The following ACKR2 variants were observed in gnomAD, a reference collection of about 807,000 sequenced individuals.
ACKR2 encodes atypical chemokine receptor 2, also known as C-C chemokine receptor D6.
For missense variants in ACKR2, 457 were observed against 477.3 expected, an observed-to-expected ratio of 0.96 and a Z score of 0.40; for synonymous variants, 207 against 192.2, an observed-to-expected ratio of 1.08 and a Z score of -0.64.
At chr3:42,834,505 T>C (rs913797708) in intron 2 of ACKR2, 9 of 152,018 alleles carry the variant, frequency 5.9e-5, no homozygotes, top group African/African-American at 2.2e-4. Context: ...CCCACAAATA[T>C]GTAGGACTAT....
intron 2 of ACKR2, chr3:42,835,215 G>A (rs1183086384): frequency 1.3e-5 from 2 of 151,608 alleles, no homozygotes; most frequent in African/African-American, 4.8e-5. Context: ...GGGCATTTAG[G>A]ACCTTGTTAA....
At chr3:42,831,068 A>G (rs1700927456) in intron 2 of ACKR2, among the ~76,000 whole-genome samples, 1 of 152,202 alleles carries the variant, frequency 6.6e-6, no homozygotes, top group Non-Finnish European at 1.5e-5. Context: ...AGAAAAAGAA[A>G]AACAGAAACT....
At position 42,860,164 on chromosome 3, in the gene ACKR2, CAAAAAAAAAA is replaced by C. The variant is rs565028940; in HGVS notation, c.-37-4286_-37-4277del. The stretch of plus-strand genomic sequence containing the variant: ...GAATATTTATCAAGCAAATGGAAAG[CAAAAAAAAAA>C]AAAAAAAAAAAAAAAGCAGGGGATG... On this transcript the variant is annotated intron_variant, in intron 2 of 2. Coordinates refer to ENST00000422265, the MANE Select transcript of ACKR2 (RefSeq NM_001296.5). Among the ~76,000 whole-genome samples, 6 of 8,056 alleles carry C rather than the reference CAAAAAAAAAA, an allele frequency of 7.4e-4. No homozygotes were observed. In the East Asian group the frequency reaches 8.4e-3, roughly 11 times the overall value. 5.3% of individuals were successfully genotyped at this position (8,056 alleles called of 152,430 possible). A position where few individuals can be genotyped will look rare whatever the true frequency, so the allele number is the denominator to read the frequency against.
intron 1 of ACKR2, among the ~76,000 whole-genome samples, chr3:42,811,734 A>G (rs780973186): frequency 9.9e-5 from 15 of 152,278 alleles, no homozygotes; most frequent in Admixed American, 5.2e-4. Context: ...CCGATCGTAA[A>G]TTCCTCCTAT....
rs2088425472 is a variant in ACKR2, at chr3:42,865,371, T to G, written c.869T>G (p.Leu290Arg). The G allele has an allele frequency of 6.2e-7, 1 of 1,614,208 alleles. No individual in the cohort carries two copies. The highest frequency in any genetic ancestry group is 1.6e-4 in the Middle Eastern group (1 of 6,062). Reference sequence around the variant, plus strand: ...GGGAACTGTGAGGTCAGCCAGCATCTAGACTACGCACTCCAGGTAACAGAG... The same window carrying G: ...GGGAACTGTGAGGTCAGCCAGCATCGAGACTACGCACTCCAGGTAACAGAG... ...VFGNCEVSQHLDYALQVTESI... is the reference protein window; with the variant it reads ...VFGNCEVSQHRDYALQVTESI... Residue 290 changes from leucine (L) to arginine (R), a missense_variant, in exon 3 of 3, where the codon CTA becomes CGA. Transcript: ENST00000422265.
chr3:42,816,553 C>T (rs1220475649), intron 1 of ACKR2, among the ~76,000 whole-genome samples: 1 of 151,482 alleles, frequency 6.6e-6, no homozygotes, highest in African/African-American at 2.4e-5. Flanking sequence ...AACTGAGGCA[C>T]TCAGTTCATT....
chr3:42,865,638 T>A lies in ACKR2; in HGVS notation c.1136T>A (p.Val379Glu). ...QSENYPNKED[V>E]GNKSA ...GAGAACTACCCTAACAAGGAGGATGTGGGGAATAAATCAGCCTGAGTGACC... is the reference window on the plus strand; with the variant it reads ...GAGAACTACCCTAACAAGGAGGATGAGGGGAATAAATCAGCCTGAGTGACC... Residue 379 changes from valine to glutamate, a missense_variant, in exon 3 of 3, where the codon GTG (valine) becomes GAG (glutamate). Physicochemically the swap from Val to Glu is moderately radical, Grantham distance 121 (BLOSUM62 -2). Coordinates refer to ENST00000422265, the MANE Select transcript of ACKR2 (RefSeq NM_001296.5). 1 of 1,611,046 alleles carries A rather than the reference T, an allele frequency of 6.2e-7. No homozygotes were observed. Among genetic ancestry groups the A allele is most frequent in the Non-Finnish European group, 8.5e-7 (1 of 1,178,340 alleles).
chr3:42,833,233 A>G (rs1575380775), intron 2 of ACKR2, among the ~76,000 whole-genome samples: 1 of 152,236 alleles, frequency 6.6e-6, no homozygotes, highest in African/African-American at 2.4e-5. Flanking sequence ...CTAATAGTCA[A>G]CATTAAAGCC....
intron 2 of ACKR2, among the ~76,000 whole-genome samples, chr3:42,853,111 G>T (rs1183263668): frequency 6.6e-6 from 1 of 152,174 alleles, no homozygotes; most frequent in Non-Finnish European, 1.5e-5. Context: ...TATCTTCATT[G>T]TGTTTTATAA....
rs532438609 is a variant in ACKR2, at chr3:42,840,216, C to T, written c.-38+20505C>T. The stretch of plus-strand genomic sequence containing the variant: ...CGGAGCTTGCAGTGAGCTGAGATCG[C>T]GCCAATGCACACCAGCTTGGGCGAC... On this transcript the variant is annotated intron_variant, in intron 2 of 2. Coordinates refer to ENST00000422265, the MANE Select transcript of ACKR2 (RefSeq NM_001296.5). Among the ~76,000 whole-genome samples, 13 of 139,678 alleles carry T rather than the reference C, an allele frequency of 9.3e-5. No individual in the cohort carries two copies. The South Asian group carries it at 2.8e-3, about 30-fold the overall frequency. The allele number at this position is 139,678 out of a possible 152,430, so 91.6% of individuals were successfully genotyped here.
At chr3:42,846,899 G>A (rs906124145) in intron 2 of ACKR2, among the ~76,000 whole-genome samples, 4 of 152,198 alleles carry the variant, frequency 2.6e-5, no homozygotes, top group African/African-American at 9.7e-5. Context: ...ATCTGAGGTG[G>A]AGGGGCTGGG....
chr3:42,812,460 C>T (rs576933971), intron 1 of ACKR2, among the ~76,000 whole-genome samples: 1 of 152,190 alleles, frequency 6.6e-6, no homozygotes, highest in East Asian at 1.9e-4. Flanking sequence ...TCATCTAGTC[C>T]ATTTCCTTTC....
At chr3:42,811,208 T>C (rs1700690867) in intron 1 of ACKR2, among the ~76,000 whole-genome samples, 1 of 152,186 alleles carries the variant, frequency 6.6e-6, no homozygotes, top group Non-Finnish European at 1.5e-5. Context: ...AAAAGAAAGA[T>C]CAGACTGTTA....
chr3:42,836,955 G>T (rs981504404), intron 2 of ACKR2, among the ~76,000 whole-genome samples: 2 of 152,206 alleles, frequency 1.3e-5, no homozygotes, highest in Non-Finnish European at 2.9e-5. Flanking sequence ...TCTTTCAAAT[G>T]TCTTTTGCAG....
chr3:42,831,849 G>A (rs1406204709), intron 2 of ACKR2, among the ~76,000 whole-genome samples: 2 of 152,062 alleles, frequency 1.3e-5, no homozygotes, highest in Non-Finnish European at 2.9e-5. Flanking sequence ...CTCCTTTCAT[G>A]GACCATGATG....
intron 2 of ACKR2, among the ~76,000 whole-genome samples, chr3:42,853,823 C>T (rs1253496995): frequency 6.6e-6 from 1 of 152,238 alleles, no homozygotes; most frequent in Non-Finnish European, 1.5e-5. Flanking sequence ...ATGATTTCCA[C>T]ATTCAAAGGA....
intron 2 of ACKR2, among the ~76,000 whole-genome samples, chr3:42,857,811 T>C (rs552279705): frequency 4.3e-4 from 66 of 152,256 alleles, no homozygotes; most frequent in Non-Finnish European, 8.5e-4. Context: ...GGTGGATGCA[T>C]TGGACATTTA....
chr3:42,865,540 C>T lies in ACKR2; in HGVS notation c.1038C>T (p.Ser346=). 2 of 1,614,166 alleles carry T rather than the reference C, an allele frequency of 1.2e-6. No homozygotes were observed. The highest frequency in any genetic ancestry group is 8.5e-7 in the Non-Finnish European group (1 of 1,180,022). Reference sequence around the variant, plus strand: ...GCACTGCCCAGGCCTCATTATCCAGCTGTTCTGAGAGCAGCATACTTACTG... The same window carrying T: ...GCACTGCCCAGGCCTCATTATCCAGTTGTTCTGAGAGCAGCATACTTACTG... ...APGTAQASLS[S]CSESSILTAQ... is the part of the protein sequence containing the mutation. Residue 346 remains serine (S), a synonymous_variant, in exon 3 of 3, where the codon AGC becomes AGT. Coordinates refer to ENST00000422265, the MANE Select transcript of ACKR2 (RefSeq NM_001296.5).
chr3:42,840,748 C>T (rs1178472677), intron 2 of ACKR2, among the ~76,000 whole-genome samples: 2 of 152,142 alleles, frequency 1.3e-5, no homozygotes, highest in African/African-American at 2.4e-5. Flanking sequence ...AGTGCAATGG[C>T]GCAATCTCGG....
Sources: allele counts gnomAD v4.1 joint callset (sites outside exome capture counted in the v4.1 genomes callset), GRCh38; gene constraint gnomAD v4.1.1; transcripts MANE v1.5; gene names NCBI Gene and HGNC (gene_info 2026-07-23, HGNC 2026-07-21).